Variants in KHDRBS2 observed in about 807,000 individuals in gnomAD.
KHDRBS2 encodes the protein KH domain-containing, RNA-binding, signal transduction-associated protein 2.
A neutral mutation model predicts 44.3 loss-of-function variants in KHDRBS2; 26 were observed. That is an observed-to-expected ratio of 0.59 (90% confidence interval 0.43 to 0.81). The LOEUF (loss-of-function observed/expected upper bound fraction) is 0.81, where lower values mean the gene tolerates loss of function less well. Ranked by LOEUF, KHDRBS2 falls within the 40% of genes least tolerant of loss-of-function variation. KHDRBS2 has a pLI of 0.00. For synonymous variants in KHDRBS2, 194 were observed against 151.1 expected (o/e 1.28, Z -2.08); for missense variants, 476 against 433.1 (o/e 1.10, Z -0.88).
intron 6 of KHDRBS2, among the ~76,000 whole-genome samples, chr6:61,765,933 G>A (rs965021098): frequency 1.6e-5 from 2 of 126,404 alleles, no homozygotes; most frequent in Non-Finnish European, 3.3e-5. Flanking sequence ...TTATTGGCCT[G>A]TAGTTTTCTT....
At chr6:61,960,888 C>T (rs1768538811) in intron 4 of KHDRBS2, among the ~76,000 whole-genome samples, 1 of 152,052 alleles carries the variant, frequency 6.6e-6, no homozygotes, top group South Asian at 2.1e-4. Flanking sequence ...CAATGTTTTA[C>T]CCACTGAGTG....
At chr6:61,603,423 A>G in the KHDRBS2 span, among the ~76,000 whole-genome samples, 1 of 152,014 alleles carries the variant, frequency 6.6e-6, no homozygotes, top group Non-Finnish European at 1.5e-5. Flanking sequence ...ACTGACCCTG[A>G]CACCCATCAG....
intron 1 of KHDRBS2, among the ~76,000 whole-genome samples, chr6:62,229,053 C>T (rs1832422425): frequency 6.6e-6 from 1 of 152,060 alleles, no homozygotes; most frequent in African/African-American, 2.4e-5. Flanking sequence ...TGCTTCGTTT[C>T]GGGGGGAAAC....
the KHDRBS2 span, among the ~76,000 whole-genome samples, chr6:61,642,116 G>A: frequency 6.6e-6 from 1 of 152,048 alleles, no homozygotes; most frequent in South Asian, 2.1e-4. Context: ...AACTAAAACA[G>A]AAAATAATCC....
rs1583920352 is a variant in KHDRBS2 at position 61,978,290 on chromosome 6, G to C, written c.337-78C>G. ...TAACATTTACTGAGAATATGACAAA[G>C]GTGTATAATTTAAGCAAATTTTCCA... is the stretch of plus-strand genomic sequence containing the variant. On this transcript the variant is annotated intron_variant, in intron 3 of 8. Transcript: ENST00000281156. 2.7e-5 allele frequency: 31 copies of C among 1,158,540 alleles called. No homozygotes were observed. In the East Asian group the frequency reaches 5.6e-4, roughly 21 times the overall value. The allele number at this position is 1,158,540 out of a possible 1,614,324, so 71.8% of individuals were successfully genotyped here.
intron 6 of KHDRBS2, among the ~76,000 whole-genome samples, chr6:61,784,840 T>G (rs2127582732): frequency 6.6e-6 from 1 of 152,262 alleles, no homozygotes; most frequent in East Asian, 1.9e-4. Context: ...GGTACAAATT[T>G]TACAAGCTTT....
chr6:61,774,856 C>T (rs1172014079), intron 6 of KHDRBS2, among the ~76,000 whole-genome samples: 1 of 152,060 alleles, frequency 6.6e-6, no homozygotes, highest in Non-Finnish European at 1.5e-5. Flanking sequence ...AATTTTAGAC[C>T]AATATCCCTG....
chr6:62,010,299 T>A (rs972994043), intron 3 of KHDRBS2, among the ~76,000 whole-genome samples: 10 of 152,246 alleles, frequency 6.6e-5, no homozygotes, highest in Admixed American at 4.6e-4. Flanking sequence ...TTTCTCCCAT[T>A]TGGAATGCCT....
intron 3 of KHDRBS2, among the ~76,000 whole-genome samples, chr6:61,991,738 G>A (rs1776171361): frequency 6.6e-6 from 1 of 152,166 alleles, no homozygotes; most frequent in African/African-American, 2.4e-5. Flanking sequence ...CATCTTGTTT[G>A]TGGAGGAGCC....
At chr6:62,201,100 G>A (rs1055924089) in intron 1 of KHDRBS2, among the ~76,000 whole-genome samples, 3 of 152,114 alleles carry the variant, frequency 2.0e-5, no homozygotes, top group African/African-American at 7.2e-5. Flanking sequence ...GAGGGGAGCA[G>A]GGAGAGATAG....
intron 2 of KHDRBS2, among the ~76,000 whole-genome samples, chr6:62,062,840 G>T (rs926686978): frequency 1.4e-5 from 2 of 148,020 alleles, no homozygotes; most frequent in African/African-American, 4.9e-5. Context: ...GAATCCAGGA[G>T]CTGGTTTTTT....
At chr6:62,189,914 A>T (rs2150130736) in intron 1 of KHDRBS2, among the ~76,000 whole-genome samples, 1 of 152,218 alleles carries the variant, frequency 6.6e-6, no homozygotes, top group Non-Finnish European at 1.5e-5. Flanking sequence ...TAGAATCAGG[A>T]GTTGGATGAG....
chr6:61,722,885 A>C (rs1485731527), intron 7 of KHDRBS2, among the ~76,000 whole-genome samples: 1 of 151,708 alleles, frequency 6.6e-6, no homozygotes, highest in African/African-American at 2.4e-5. Context: ...AATTTTTTGT[A>C]CTTTTAGTAG....
At chr6:61,908,893 G>A (rs553541082) in intron 4 of KHDRBS2, among the ~76,000 whole-genome samples, 11 of 152,136 alleles carry the variant, frequency 7.2e-5, no homozygotes, top group African/African-American at 1.4e-4. Context: ...TATACCTGCA[G>A]TAAATAAAAT....
chr6:62,034,681 T>A (rs1408720695), intron 3 of KHDRBS2, among the ~76,000 whole-genome samples: 1 of 123,908 alleles, frequency 8.1e-6, no homozygotes, highest in South Asian at 2.7e-4. Flanking sequence ...ATGGCTAGTA[T>A]CATTCTGAAC....
chr6:61,571,272 T>C, the KHDRBS2 span, among the ~76,000 whole-genome samples: 2 of 152,102 alleles, frequency 1.3e-5, no homozygotes, highest in Non-Finnish European at 2.9e-5. Flanking sequence ...AAGTAGCTAT[T>C]CTTATATCAC....
chr6:62,119,432 T>G (rs1331219910), intron 2 of KHDRBS2, among the ~76,000 whole-genome samples: 1 of 152,132 alleles, frequency 6.6e-6, no homozygotes, highest in South Asian at 2.1e-4. Flanking sequence ...CATCTAACAT[T>G]GTCCTGAGTA....
intron 2 of KHDRBS2, among the ~76,000 whole-genome samples, chr6:62,117,234 T>G (rs529925027): frequency 6.6e-6 from 1 of 152,132 alleles, no homozygotes; most frequent in Non-Finnish European, 1.5e-5. Flanking sequence ...CTACCAGTCT[T>G]TTCATTTTTC....
At chr6:62,242,742 T>G (rs1834895969) in intron 1 of KHDRBS2, among the ~76,000 whole-genome samples, 1 of 152,164 alleles carries the variant, frequency 6.6e-6, no homozygotes, top group Non-Finnish European at 1.5e-5. Context: ...AAAAATTACA[T>G]CCTTACAAGT....
Sources: gnomAD v4.1 joint callset for allele counts (sites outside exome capture counted in the v4.1 genomes callset) on GRCh38, gnomAD v4.1.1 for gene constraint, MANE v1.5 for transcripts, NCBI Gene and HGNC (gene_info 2026-07-23, HGNC 2026-07-21) for gene names.